DUSP16: variants seen among roughly 807,000 people sequenced by gnomAD.
The protein encoded by DUSP16 is dual specificity protein phosphatase 16.
A neutral mutation model predicts 58.3 loss-of-function variants in DUSP16; 21 were observed. The observed-to-expected ratio is 0.36, with a 90% CI of 0.26 to 0.52. The LOEUF (loss-of-function observed/expected upper bound fraction) is 0.52, where lower values mean the gene tolerates loss of function less well. DUSP16 is among the 20% of genes least tolerant of loss of function. The pLI, the probability that DUSP16 is intolerant of heterozygous loss-of-function variation, is 0.94. For synonymous variants in DUSP16, 320 were observed against 323.8 expected, an observed-to-expected ratio of 0.99 and a Z score of 0.12; for missense variants, 726 against 819.0, an observed-to-expected ratio of 0.89 and a Z score of 1.39.
At chr12:12,538,913 G>T (rs1944509812) in intron 1 of DUSP16, among the ~76,000 whole-genome samples, 1 of 152,158 alleles carries the variant, frequency 6.6e-6, no homozygotes, top group South Asian at 2.1e-4. Flanking sequence ...TGCTAAAAAG[G>T]GAACAACTCA....
At chr12:12,478,897 G>C (rs1307730141) in intron 6 of DUSP16, among the ~76,000 whole-genome samples, 1 of 152,188 alleles carries the variant, frequency 6.6e-6, no homozygotes. Flanking sequence ...TGGTCTCTGT[G>C]TGCTAAGCAC....
intron 1 of DUSP16, among the ~76,000 whole-genome samples, chr12:12,531,008 T>C: frequency 6.6e-6 from 1 of 152,272 alleles, no homozygotes; most frequent in Middle Eastern, 3.4e-3. Context: ...AAGTTTATAA[T>C]CTTTATCTAT....
intron 5 of DUSP16, among the ~76,000 whole-genome samples, chr12:12,484,716 G>A (rs1011538327): frequency 2.0e-5 from 3 of 152,014 alleles, no homozygotes; most frequent in African/African-American, 7.2e-5. Flanking sequence ...CCACATCCCA[G>A]GTTCAAGAGA....
chr12:12,549,075 T>A (rs918230606), intron 1 of DUSP16, among the ~76,000 whole-genome samples: 1 of 152,182 alleles, frequency 6.6e-6, no homozygotes, highest in Non-Finnish European at 1.5e-5. Flanking sequence ...AAAATACAAT[T>A]AGTCTTTCAT....
intron 3 of DUSP16, among the ~76,000 whole-genome samples, chr12:12,501,119 G>A (rs889229654): frequency 2.6e-5 from 4 of 152,206 alleles, no homozygotes; most frequent in East Asian, 1.9e-4. Flanking sequence ...AAAATTGATC[G>A]AGTCAAAAAT....
rs112333889 is a variant in DUSP16, at chr12:12,526,829, A to T, written c.-365-5366T>A. ...ACACACAATTTTTTTCTTTCTACCC[A>T]TGGGTTATTTTCTGCTGGCAGCAAT... On this transcript the variant is annotated intron_variant, in intron 1 of 6. Transcript: ENST00000298573. 2.2e-3 allele frequency among the ~76,000 whole-genome samples: 335 copies of T among 152,136 alleles called. 3 individuals carry two copies. Among genetic ancestry groups the T allele is most frequent in the African/African-American group, 7.7e-3 (321 of 41,496 alleles).
At chr12:12,515,982 G>C (rs578239884) in intron 3 of DUSP16, among the ~76,000 whole-genome samples, 9 of 151,734 alleles carry the variant, frequency 5.9e-5, no homozygotes, top group Admixed American at 5.2e-4. Flanking sequence ...TGCCATGTTG[G>C]CCAGGCTGGT....
intron 5 of DUSP16, among the ~76,000 whole-genome samples, chr12:12,484,230 G>A (rs1309929723): frequency 2.0e-5 from 3 of 152,040 alleles, no homozygotes; most frequent in Non-Finnish European, 2.9e-5. Flanking sequence ...GAATTACTTG[G>A]GTGGGATAAG....
intron 6 of DUSP16, among the ~76,000 whole-genome samples, chr12:12,478,659 C>T (rs562832920): frequency 1.2e-3 from 183 of 152,194 alleles, no homozygotes; most frequent in South Asian, 4.6e-3. Flanking sequence ...TTATTCACCA[C>T]CAAGGACACC....
chr12:12,481,167 C>T lies in DUSP16; in HGVS notation c.692-821G>A, dbSNP rs536403610. ...AGAACTTTTATCCCTTCCTTGATAC[C>T]AGGAGTTATTGTCTTATGGCATTAT... On this transcript the variant is annotated intron_variant, in intron 5 of 6. Coordinates refer to ENST00000298573, the MANE Select transcript of DUSP16 (RefSeq NM_030640.3). Among the ~76,000 whole-genome samples the T allele has an allele frequency of 2.0e-5, 3 of 152,264 alleles. No homozygotes were observed. In the East Asian group the frequency reaches 5.8e-4, roughly 29 times the overall value.
At chr12:12,520,762 C>G in intron 2 of DUSP16, 109 bp downstream of exon 2, 4 of 1,356,190 alleles carry the variant, frequency 2.9e-6, no homozygotes, top group Non-Finnish European at 4.0e-6. Context: ...AAAAAGCAAC[C>G]AAAACTTCCT....
intron 1 of DUSP16, among the ~76,000 whole-genome samples, chr12:12,552,171 G>C (rs1944737717): frequency 6.6e-6 from 1 of 152,094 alleles, no homozygotes. Flanking sequence ...ATCTGGCTGG[G>C]AGCGGTGGCT....
At chr12:12,488,438 C>CT (rs1943715249) in intron 4 of DUSP16, among the ~76,000 whole-genome samples, 1 of 152,182 alleles carries the variant, frequency 6.6e-6, no homozygotes, top group African/African-American at 2.4e-5. Context: ...TCTTGGACCG[C>CT]GTCTTGTTTT....
Position 12,533,695 on chromosome 12 carries a change from T to C in DUSP16, c.-365-12232A>G, listed in dbSNP as rs538496293. Among the ~76,000 whole-genome samples the C allele has an allele frequency of 3.3e-5, 5 of 152,148 alleles. No homozygotes were observed. The South Asian group carries it at 1.0e-3, about 32-fold the overall frequency. On this transcript the variant is annotated intron_variant, in intron 1 of 6. Coordinates refer to ENST00000298573, the MANE Select transcript of DUSP16 (RefSeq NM_030640.3). ...TGAGGGCAAAACTAACCCTAGGAAT[T>C]TAGAGACAAGTGAGGTTATTGTTTT...
In DUSP16 at chr12:12,519,915, G is replaced by A. The variant is rs1035574319; in HGVS notation, c.314C>T (p.Thr105Ile). ...CTTCTCCAGTTTACCCAGAAGTACAGTGAGAAAACAGTCTGAAGAGAGAGA... is the reference window on the plus strand; with the variant it reads ...CTTCTCCAGTTTACCCAGAAGTACAATGAGAAAACAGTCTGAAGAGAGAGA... ...VASLSSDCFL[T>I]VLLGKLEKSF... is the part of the protein sequence containing the mutation. The change falls in exon 3 of 7, where the codon ACT becomes ATT. Residue 105 changes from threonine (T) to isoleucine (I), a missense_variant. Thr to Ile is a moderately conservative substitution (Grantham distance 89). Transcript: ENST00000298573. The A allele has an allele frequency of 6.2e-7, 1 of 1,614,118 alleles. No individual in the cohort carries two copies.
intron 3 of DUSP16, among the ~76,000 whole-genome samples, chr12:12,502,241 C>G (rs1266050402): frequency 6.6e-6 from 1 of 152,128 alleles, no homozygotes; most frequent in Non-Finnish European, 1.5e-5. Context: ...ATGTTTAATT[C>G]AAGCATAATT....
At chr12:12,486,945 A>G in intron 5 of DUSP16, 83 bp downstream of exon 5, 1 of 1,521,252 alleles carries the variant, frequency 6.6e-7, no homozygotes, top group Admixed American at 1.8e-5. Flanking sequence ...CTTTTCTCTA[A>G]AGAAAAAATG....
intron 1 of DUSP16, among the ~76,000 whole-genome samples, chr12:12,558,386 GTTT>G (rs139098397): frequency 2.1e-5 from 3 of 143,366 alleles, no homozygotes; most frequent in Admixed American, 1.4e-4. Flanking sequence ...AAGATTATAT[GTTT>G]TTTTTTTTTT....
At chr12:12,534,283 T>G (rs1016744855) in intron 1 of DUSP16, among the ~76,000 whole-genome samples, 2 of 152,068 alleles carry the variant, frequency 1.3e-5, no homozygotes, top group East Asian at 3.9e-4. Flanking sequence ...TCCGCACACT[T>G]CCCCCTGCTG....
Sources: allele counts gnomAD v4.1 joint callset (sites outside exome capture counted in the v4.1 genomes callset), GRCh38; gene constraint gnomAD v4.1.1; transcripts MANE v1.5; gene names NCBI Gene and HGNC (gene_info 2026-07-23, HGNC 2026-07-21).